MEF2C: variants seen among roughly 807,000 people sequenced by gnomAD.
The protein encoded by MEF2C is myocyte enhancer factor 2C.
In MEF2C, 6 loss-of-function variants were observed where a neutral mutation model predicts 50.5. That is an observed-to-expected ratio of 0.12 (90% CI 0.07 to 0.23). The LOEUF is 0.23. Ranked by LOEUF, MEF2C falls within the 10% of genes least tolerant of loss-of-function variation. The probability of loss-of-function intolerance (pLI) is 1.00; values close to 1 mark genes in which losing one functional copy is unlikely to be tolerated. For missense variants in MEF2C, 276 were observed against 605.0 expected, an observed-to-expected ratio of 0.46 and a Z score of 5.70; for synonymous variants, 183 against 228.0, an observed-to-expected ratio of 0.80 and a Z score of 1.78.
intron 1 of MEF2C, among the ~76,000 whole-genome samples, chr5:88,873,856 A>T (rs1006463664): frequency 6.6e-6 from 1 of 151,820 alleles, no homozygotes; most frequent in African/African-American, 2.4e-5. Flanking sequence ...AATACTAGAA[A>T]TAAAAAAAAG....
intron 1 of MEF2C, among the ~76,000 whole-genome samples, chr5:88,848,048 A>G (rs1819949362): frequency 1.3e-5 from 2 of 152,194 alleles, no homozygotes; most frequent in Non-Finnish European, 2.9e-5. Context: ...CACGCTTACA[A>G]CTATGCTTAC....
chr5:88,846,484 A>G (rs1442641323), intron 1 of MEF2C, among the ~76,000 whole-genome samples: 2 of 152,270 alleles, frequency 1.3e-5, no homozygotes, highest in Non-Finnish European at 2.9e-5. Flanking sequence ...AAGGAAAAAG[A>G]AAATCATTAC....
chr5:88,834,660 G>T (rs1814361847), intron 1 of MEF2C, among the ~76,000 whole-genome samples: 1 of 152,106 alleles, frequency 6.6e-6, no homozygotes, highest in African/African-American at 2.4e-5. Context: ...ATAGGGAGGG[G>T]TTATTTGAGG....
chr5:88,897,526 G>C (rs1361348939), intron 1 of MEF2C, among the ~76,000 whole-genome samples: 2 of 152,168 alleles, frequency 1.3e-5, no homozygotes, highest in Non-Finnish European at 2.9e-5. Flanking sequence ...TTGAATGACT[G>C]TCCTGAAGAG....
intron 6 of MEF2C, chr5:88,748,742 C>T (rs1771174294): frequency 1.0e-6 from 1 of 980,010 alleles, no homozygotes; most frequent in South Asian, 4.7e-5. Flanking sequence ...AAATGATTAA[C>T]AGAGAACACA....
At chr5:88,827,570 A>G (rs1811407736) in intron 1 of MEF2C, among the ~76,000 whole-genome samples, 1 of 151,910 alleles carries the variant, frequency 6.6e-6, no homozygotes, top group South Asian at 2.1e-4. Context: ...CGTGATTTTT[A>G]ATTTCCATCT....
chr5:88,816,507 CAA>C (rs1420228190), intron 2 of MEF2C, among the ~76,000 whole-genome samples: 1 of 117,284 alleles, frequency 8.5e-6, no homozygotes, highest in Non-Finnish European at 1.7e-5. Flanking sequence ...GAAACTCTTA[CAA>C]GTATTATTTA....
intron 6 of MEF2C, chr5:88,736,927 A>G (rs979446632): frequency 2.2e-5 from 22 of 985,192 alleles, no homozygotes; most frequent in Middle Eastern, 5.2e-4. Flanking sequence ...TTAAGGATCA[A>G]CTAAAGTTCC....
At chr5:88,857,195 T>C (rs1352265514) in intron 1 of MEF2C, among the ~76,000 whole-genome samples, 1 of 152,256 alleles carries the variant, frequency 6.6e-6, no homozygotes, top group Non-Finnish European at 1.5e-5. Context: ...GCTTAATGAC[T>C]GTCCTACTGG....
At chr5:88,732,308 G>C (rs1762043742) in intron 6 of MEF2C, among the ~76,000 whole-genome samples, 2 of 152,148 alleles carry the variant, frequency 1.3e-5, no homozygotes, top group African/African-American at 4.8e-5. Context: ...GTTTTATTTT[G>C]TGTGTCTGTG....
intron 2 of MEF2C, among the ~76,000 whole-genome samples, chr5:88,816,554 T>C (rs888673639): frequency 1.3e-5 from 2 of 150,888 alleles, no homozygotes; most frequent in Non-Finnish European, 3.0e-5. Flanking sequence ...TTTTCAACTC[T>C]TCAATCACCA....
intron 2 of MEF2C, among the ~76,000 whole-genome samples, chr5:88,806,718 A>C (rs569907196): frequency 3.9e-4 from 60 of 152,230 alleles, no homozygotes; most frequent in Non-Finnish European, 7.1e-4. Flanking sequence ...AAATATACAC[A>C]AAAATATACC....
intron 4 of MEF2C, among the ~76,000 whole-genome samples, chr5:88,754,994 C>T (rs190723001): frequency 7.9e-5 from 12 of 152,138 alleles, no homozygotes; most frequent in African/African-American, 2.7e-4. Context: ...TGGAAGCCCA[C>T]GCTGACCACC....
chr5:88,893,453 C>T (rs964787554), intron 1 of MEF2C, among the ~76,000 whole-genome samples: 2 of 151,830 alleles, frequency 1.3e-5, no homozygotes, highest in South Asian at 4.1e-4. Flanking sequence ...GAACTCCTGA[C>T]CTGAGGTAAT....
At chr5:88,873,552 G>GA (rs965435881) in intron 1 of MEF2C, among the ~76,000 whole-genome samples, 8 of 151,770 alleles carry the variant, frequency 5.3e-5, no homozygotes, top group Admixed American at 2.0e-4. Context: ...GAAGCGGAGG[G>GA]AAAAAATCAC....
intron 1 of MEF2C, among the ~76,000 whole-genome samples, chr5:88,863,832 T>G (rs1475964631): frequency 4.6e-5 from 7 of 151,664 alleles, no homozygotes; most frequent in Non-Finnish European, 1.0e-4. Flanking sequence ...TTCTTTTTTT[T>G]TTTTTTTGAG....
chr5:88,763,471 G>GTTTC (rs1778716729), intron 3 of MEF2C, among the ~76,000 whole-genome samples: 1 of 151,980 alleles, frequency 6.6e-6, no homozygotes. Flanking sequence ...ATTATGATGT[G>GTTTC]TTTCTGCTTT....
At chr5:88,811,973 T>C (rs1387328690) in intron 2 of MEF2C, among the ~76,000 whole-genome samples, 2 of 152,102 alleles carry the variant, frequency 1.3e-5, no homozygotes, top group African/African-American at 4.8e-5. Flanking sequence ...GTGGAGATAA[T>C]AACAGGCATC....
At chr5:88,803,341 T>C (rs143782710) in intron 3 of MEF2C, among the ~76,000 whole-genome samples, 1 of 152,336 alleles carries the variant, frequency 6.6e-6, no homozygotes, top group East Asian at 1.9e-4. Flanking sequence ...CTCAATACTT[T>C]TGAAAAACTT....
Sources: allele counts gnomAD v4.1 joint callset (sites outside exome capture counted in the v4.1 genomes callset), GRCh38; gene constraint gnomAD v4.1.1; transcripts MANE v1.5; gene names NCBI Gene and HGNC (gene_info 2026-07-23, HGNC 2026-07-21).